The following TMC5 variants were observed in gnomAD, a reference collection of about 807,000 sequenced individuals.
TMC5 encodes transmembrane channel-like protein 5.
A neutral mutation model predicts 110.5 loss-of-function variants in TMC5; 86 were observed. The ratio of observed to expected loss-of-function variants is 0.78; its 90% confidence interval spans 0.65 to 0.93. The LOEUF is 0.93. Ranked by LOEUF, TMC5 falls within the 40% of genes least tolerant of loss-of-function variation. The probability of loss-of-function intolerance (pLI) is 0.00; values close to 1 mark genes in which losing one functional copy is unlikely to be tolerated. For missense variants in TMC5, 1,144 were observed against 1,222.8 expected (o/e 0.94, Z 0.96); for synonymous variants, 455 against 439.5 (o/e 1.04, Z -0.44).
chr16:19,489,815 G>T (rs538020369), intron 17 of TMC5, among the ~76,000 whole-genome samples: 1 of 151,202 alleles, frequency 6.6e-6, no homozygotes, highest in South Asian at 2.1e-4. Context: ...TTCAGACAGG[G>T]TCTTGCTCTG....
intron 19 of TMC5, among the ~76,000 whole-genome samples, chr16:19,493,900 A>G (rs1200696182): frequency 6.0e-5 from 9 of 150,836 alleles, no homozygotes; most frequent in South Asian, 2.1e-4. Context: ...TTTTGTTTTG[A>G]CATGGAGTCT....
intron 1 of TMC5, among the ~76,000 whole-genome samples, chr16:19,419,568 A>G (rs993044156): frequency 6.6e-6 from 1 of 151,664 alleles, no homozygotes; most frequent in African/African-American, 2.4e-5. Flanking sequence ...GCCTGCCACC[A>G]TGCCCGGCTA....
chr16:19,439,382 CA>C (rs1967428155), intron 2 of TMC5, among the ~76,000 whole-genome samples: 2 of 152,162 alleles, frequency 1.3e-5, no homozygotes, highest in South Asian at 4.1e-4. Flanking sequence ...CAAGTGTAAT[CA>C]AAAAGCACAA....
intron 10 of TMC5, among the ~76,000 whole-genome samples, chr16:19,470,130 G>A (rs376775351): frequency 7.0e-4 from 106 of 151,002 alleles, no homozygotes; most frequent in African/African-American, 2.5e-3. Flanking sequence ...TCCTGACCTC[G>A]TGATCCACCC....
At chr16:19,415,772 C>G (rs1187176947), upstream of TMC5, among the ~76,000 whole-genome samples, 1 of 152,168 alleles carries the variant, frequency 6.6e-6, no homozygotes, top group African/African-American at 2.4e-5. Context: ...TTGGAAACCA[C>G]CACCCTCCTC....
Position 19,428,354 on chromosome 16 carries a change from G to T in TMC5, c.-307-2059G>T, listed in dbSNP as rs1041984460. On this transcript the variant is annotated intron_variant, in intron 1 of 21. Transcript: ENST00000542583. Reference sequence around the variant, plus strand: ...GACAGCATCTTGCTCTGTTGCCCAGGCTGGAGTACAGTGGCATGATCATAG... The same window carrying T: ...GACAGCATCTTGCTCTGTTGCCCAGTCTGGAGTACAGTGGCATGATCATAG... Among the ~76,000 whole-genome samples the T allele has an allele frequency of 4.7e-5, 7 of 148,984 alleles. No homozygotes were observed. The South Asian group carries it at 1.3e-3, about 27-fold the overall frequency.
At chr16:19,496,169 AAAATT>A (rs1403268972) in intron 20 of TMC5, among the ~76,000 whole-genome samples, 2 of 151,842 alleles carry the variant, frequency 1.3e-5, no homozygotes, top group African/African-American at 4.8e-5. Flanking sequence ...AAAAAAAAAA[AAAATT>A]AAAAAGTTAT....
chr16:19,415,502 G>A (rs952300243), upstream of TMC5, among the ~76,000 whole-genome samples: 7 of 152,168 alleles, frequency 4.6e-5, no homozygotes, highest in African/African-American at 1.7e-4. Context: ...ACAATGCACA[G>A]AGCAGTCCCC....
intron 15 of TMC5, among the ~76,000 whole-genome samples, chr16:19,481,667 T>C (rs545438284): frequency 6.6e-6 from 1 of 152,322 alleles, no homozygotes; most frequent in South Asian, 2.1e-4. Flanking sequence ...AGAATCAGCA[T>C]AGAGCAGGGA....
chr16:19,479,524 A>T lies in TMC5; in HGVS notation c.2263A>T (p.Arg755Trp), dbSNP rs772931388. The change falls in exon 14 of 22, where the codon AGG becomes TGG. Residue 755 changes from arginine (R) to tryptophan (W), a missense_variant. By Grantham distance (101) the Arg-to-Trp change is moderately radical. Transcript: ENST00000542583. ...LVNSFLGEFL[R>W]RIIGMQLITS... Reference sequence around the variant, plus strand: ...CAATTCCTTCCTGGGGGAGTTTCTGAGGAGGTAAATATTTGCCATTCTTAA... The same window carrying T: ...CAATTCCTTCCTGGGGGAGTTTCTGTGGAGGTAAATATTTGCCATTCTTAA... 3.1e-6 allele frequency: 5 copies of T among 1,610,378 alleles called. No individual in the cohort carries two copies. The highest frequency in any genetic ancestry group is 4.2e-6 in the Non-Finnish European group (5 of 1,176,716).
intron 1 of TMC5, among the ~76,000 whole-genome samples, chr16:19,424,767 ACT>A (rs1248588663): frequency 6.6e-6 from 1 of 152,266 alleles, no homozygotes; most frequent in Non-Finnish European, 1.5e-5. Flanking sequence ...GGGGTGTGTC[ACT>A]CTCTAAGAAT....
chr16:19,436,409 C>G (rs1597168102), intron 2 of TMC5, among the ~76,000 whole-genome samples: 1 of 151,986 alleles, frequency 6.6e-6, no homozygotes, highest in African/African-American at 2.4e-5. Context: ...TACTAGGCAT[C>G]GTTCAGCTGG....
At chr16:19,434,095 ATAATATATATAT>A (rs1967260465) in intron 2 of TMC5, among the ~76,000 whole-genome samples, 4 of 22,884 alleles carry the variant, frequency 1.7e-4, no homozygotes, top group African/African-American at 8.4e-4. Context: ...ATATATATCT[ATAATATATATAT>A]TATATATATA....
intron 6 of TMC5, among the ~76,000 whole-genome samples, chr16:19,461,866 T>G (rs868797351): frequency 1.1e-4 from 17 of 152,064 alleles, no homozygotes; most frequent in African/African-American, 3.6e-4. Context: ...AACAAGTAAA[T>G]TACAAATGGC....
At chr16:19,433,095 GACC>G (rs1298901987) in intron 2 of TMC5, among the ~76,000 whole-genome samples, 1 of 151,992 alleles carries the variant, frequency 6.6e-6, no homozygotes, top group African/African-American at 2.4e-5. Flanking sequence ...TCAAAACAAA[GACC>G]AAAATGATTT....
intron 19 of TMC5, among the ~76,000 whole-genome samples, chr16:19,493,970 G>A (rs140094367): frequency 6.6e-5 from 10 of 152,122 alleles, no homozygotes; most frequent in African/African-American, 1.4e-4. Flanking sequence ...GTATTGAGAC[G>A]TGGCATGTAA....
chr16:19,478,241 C>G (rs911597950), intron 13 of TMC5, among the ~76,000 whole-genome samples: 2 of 152,170 alleles, frequency 1.3e-5, no homozygotes, highest in African/African-American at 4.8e-5. Context: ...ACCCAGGATG[C>G]CCTGGGGTTG....
At chr16:19,479,144 G>T (rs928106870) in intron 13 of TMC5, among the ~76,000 whole-genome samples, 18 of 152,194 alleles carry the variant, frequency 1.2e-4, no homozygotes, top group African/African-American at 4.3e-4. Context: ...AGGGGATAGG[G>T]CAGGGAAGAA....
At chr16:19,433,645 C>T (rs928634519) in intron 2 of TMC5, among the ~76,000 whole-genome samples, 4 of 151,640 alleles carry the variant, frequency 2.6e-5, no homozygotes, top group Non-Finnish European at 4.4e-5. Flanking sequence ...AACTGGTATA[C>T]TTCCTTTTTA....
Sources: allele counts gnomAD v4.1 joint callset (sites outside exome capture counted in the v4.1 genomes callset), GRCh38; gene constraint gnomAD v4.1.1; transcripts MANE v1.5; gene names NCBI Gene and HGNC (gene_info 2026-07-23, HGNC 2026-07-21).